The following TASOR2 variants were observed in gnomAD, a reference collection of about 807,000 sequenced individuals.
The protein encoded by TASOR2 is transcription activation suppressor family member 2, also known as protein TASOR 2.
A neutral mutation model predicts 199.5 loss-of-function variants in TASOR2; 84 were observed. The observed-to-expected ratio is 0.42, with a 90% confidence interval of 0.35 to 0.50. The LOEUF is 0.50. Ranked by LOEUF, TASOR2 falls within the 20% of genes least tolerant of loss-of-function variation. The pLI is 0.02. For synonymous variants in TASOR2, 1,103 were observed against 1,046.6 expected (o/e 1.05, Z -1.04); for missense variants, 2,796 against 2,835.9 (o/e 0.99, Z 0.32).
rs2131637108 is a variant in TASOR2 at position 5,751,610 on chromosome 10, A to G, written c.6606+1583A>G. On this transcript the variant is annotated intron_variant, in intron 15 of 20. Coordinates refer to ENST00000328090, the Ensembl canonical transcript of TASOR2. The surrounding 1 kb of genome is among the most constrained non-coding windows in gnomAD (Gnocchi z 5.3). ...CGGGCACTTCTTTACTTTGGGGTGT[A>G]ACATAATGTTCCAGGCTTATCGTGT... Among the ~76,000 whole-genome samples the G allele has an allele frequency of 6.6e-6, 1 of 152,310 alleles. No individual in the cohort carries two copies. The highest frequency in any genetic ancestry group is 1.9e-4 in the East Asian group (1 of 5,184).
chr10:5,706,500 A>G lies in TASOR2; in HGVS notation c.-287-6323A>G, dbSNP rs1361041683. Among the ~76,000 whole-genome samples the G allele has an allele frequency of 6.6e-6, 1 of 151,946 alleles. No individual in the cohort carries two copies. Among genetic ancestry groups the G allele is most frequent in the Non-Finnish European group, 1.5e-5 (1 of 67,968 alleles). Reference sequence around the variant, plus strand: ...CATAGTGCTCCAGAAAGGTCCTTCCAAAAAAAAGAAAAGAAGCTGCTCAAA... The same window carrying G: ...CATAGTGCTCCAGAAAGGTCCTTCCGAAAAAAAGAAAAGAAGCTGCTCAAA... On this transcript the variant is annotated intron_variant, in intron 1 of 20. Coordinates refer to ENST00000328090, the Ensembl canonical transcript of TASOR2. The surrounding 1 kb of genome is among the most constrained non-coding windows in gnomAD (Gnocchi z 4.8).
intron 1 of TASOR2, among the ~76,000 whole-genome samples, chr10:5,704,807 A>G (rs933058601): frequency 6.6e-6 from 1 of 152,196 alleles, no homozygotes; most frequent in Non-Finnish European, 1.5e-5. Context: ...TAACTTATGA[A>G]CCATTTATAT....
Position 5,762,526 on chromosome 10 carries a change from T to TTTTTAAAAAAA in TASOR2, c.7175-6_7175-5insTTTTAAAAAAA. ...ACCAAAAGTTGTTTTTTTTTTTTTT[T>TTTTTAAAAAAA]AACAGACAAGCCTACTATCCCCAGA... On this transcript the variant is annotated splice_region_variant and splice_polypyrimidine_tract_variant and intron_variant, in intron 19 of 20. Coordinates refer to ENST00000328090, the Ensembl canonical transcript of TASOR2. 3 of 699,658 alleles carry TTTTTAAAAAAA rather than the reference T, an allele frequency of 4.3e-6. No individual in the cohort carries two copies. 43.3% of individuals were successfully genotyped at this position (699,658 alleles called of 1,614,324 possible). A position where few individuals can be genotyped will look rare whatever the true frequency, so the allele number is the denominator to read the frequency against.
Position 5,724,420 on chromosome 10 carries a change from TTC to T in TASOR2, c.248-6_248-5del. The T allele has an allele frequency of 6.9e-7, 1 of 1,447,196 alleles. No individual in the cohort carries two copies. The highest frequency in any genetic ancestry group is 9.3e-7 in the Non-Finnish European group (1 of 1,070,274). 89.6% of individuals were successfully genotyped at this position (1,447,196 alleles called of 1,614,324 possible). A position where few individuals can be genotyped will look rare whatever the true frequency, so the allele number is the denominator to read the frequency against. On this transcript the variant is annotated splice_region_variant and splice_polypyrimidine_tract_variant and intron_variant, in intron 7 of 20. Coordinates refer to ENST00000328090, the Ensembl canonical transcript of TASOR2. ...AAAAATAAGAAATGTTTTTCTGGTT[TTC>T]TCTACAGTCTGTTTTCAAGATTTGT...
In TASOR2 at chr10:5,730,700, C is replaced by A; in HGVS notation, c.701C>A (p.Thr234Lys). ...CCTCAGGATAGAATGAAAGACCCTA[C>A]ATTCTTGGGGAAACTGCCCAGTGGT... The change falls in exon 11 of 21, where the codon ACA becomes AAA. Residue 234 changes from threonine (T) to lysine (K), a missense_variant. Thr to Lys is a moderately conservative substitution (Grantham distance 78). Around this residue, in one of 3 missense-constraint regions of TASOR2, gnomAD observed 847 missense variants for 887.4 expected, o/e 0.95. Coordinates refer to ENST00000328090, the Ensembl canonical transcript of TASOR2. The surrounding 1 kb of genome is among the most constrained non-coding windows in gnomAD (Gnocchi z 4.1). 6.2e-7 allele frequency: 1 copy of A among 1,614,218 alleles called. No homozygotes were observed. The highest frequency in any genetic ancestry group is 8.5e-7 in the Non-Finnish European group (1 of 1,180,022).
Position 5,738,783 on chromosome 10 carries a change from G to C in TASOR2, c.1448-835G>C, listed in dbSNP as rs1835970163. The stretch of plus-strand genomic sequence containing the variant: ...CAGGGAATCATTGCCTAGCAGAGTT[G>C]TGAAGTTTATCCTTCATAATAACAG... On this transcript the variant is annotated intron_variant, in intron 12 of 20. Transcript: ENST00000328090. The surrounding 1 kb of genome is among the most constrained non-coding windows in gnomAD (Gnocchi z 4.7). Among the ~76,000 whole-genome samples, 2 of 152,064 alleles carry C rather than the reference G, an allele frequency of 1.3e-5. No individual in the cohort carries two copies. The highest frequency in any genetic ancestry group is 4.8e-5 in the African/African-American group (2 of 41,392).
chr10:5,731,330 A>G (rs1218016647), intron 11 of TASOR2, 127 bp downstream of exon 12: 1 of 791,880 alleles, frequency 1.3e-6, no homozygotes. Flanking sequence ...GGAGTTTGAG[A>G]CCAGTCTGAC....
Position 5,749,000 on chromosome 10 carries a change from A to G in TASOR2, c.5579A>G (p.Asp1860Gly). Residue 1860 changes from aspartate (D) to glycine (G), a missense_variant, in exon 15 of 21, where the codon GAT (aspartate) becomes GGT (glycine). Physicochemically the swap from Asp to Gly is moderately conservative, Grantham distance 94. Coordinates refer to ENST00000328090, the Ensembl canonical transcript of TASOR2. The surrounding 1 kb of genome is among the most constrained non-coding windows in gnomAD (Gnocchi z 5.1). The stretch of plus-strand genomic sequence containing the variant: ...AGAGGTAGTTACACCAGGAAAAAAG[A>G]TGTTCCCACAGATGGCTATGAGTCG... 1.9e-6 allele frequency: 3 copies of G among 1,614,138 alleles called. No individual in the cohort carries two copies. The highest frequency in any genetic ancestry group is 2.5e-6 in the Non-Finnish European group (3 of 1,180,024).
Position 5,742,111 on chromosome 10 carries a change from A to G in TASOR2, c.2342A>G (p.Asp781Gly), listed in dbSNP as rs1435718696. The change falls in exon 14 of 21, where the codon GAT becomes GGT. Residue 781 changes from aspartate (D) to glycine (G), a missense_variant. By Grantham distance (94) the Asp-to-Gly change is moderately conservative (BLOSUM62 -1). Coordinates refer to ENST00000328090, the Ensembl canonical transcript of TASOR2. This position sits in a 1 kb window ranked among gnomAD's most constrained non-coding sequence, Gnocchi z 4.2. Reference sequence around the variant, plus strand: ...TAAACTCTTAGGCCCTGGAATACTGATTTGCCTGATAATGTGGAAGAAGTG... The same window carrying G: ...TAAACTCTTAGGCCCTGGAATACTGGTTTGCCTGATAATGTGGAAGAAGTG... 9 of 1,613,964 alleles carry G rather than the reference A, an allele frequency of 5.6e-6. No individual in the cohort carries two copies. The highest frequency in any genetic ancestry group is 6.8e-6 in the Non-Finnish European group (8 of 1,179,960).
chr10:5,731,582 T>G (rs1834820306), intron 11 of TASOR2, among the ~76,000 whole-genome samples: 1 of 152,254 alleles, frequency 6.6e-6, no homozygotes, highest in Non-Finnish European at 1.5e-5. Context: ...CCCTGTGGAC[T>G]GCAGCTTTGC....
chr10:5,744,893 T>G (rs1836959102), intron 14 of TASOR2, among the ~76,000 whole-genome samples: 1 of 152,182 alleles, frequency 6.6e-6, no homozygotes, highest in African/African-American at 2.4e-5. Flanking sequence ...CCTCCCAAAG[T>G]TCTGAGATTA....
intron 1 of TASOR2, among the ~76,000 whole-genome samples, chr10:5,705,750 T>G (rs1838506315): frequency 6.6e-6 from 1 of 152,140 alleles, no homozygotes; most frequent in Non-Finnish European, 1.5e-5. Context: ...ATGTTTCTTT[T>G]TATTATATGC....
At chr10:5,688,892 A>G (rs970284800) in intron 1 of TASOR2, among the ~76,000 whole-genome samples, 1 of 151,804 alleles carries the variant, frequency 6.6e-6, no homozygotes, top group Non-Finnish European at 1.5e-5. Context: ...GTTCCCAGCT[A>G]CTTGGGAGGC....
chr10:5,692,209 C>T (rs1836517353), intron 1 of TASOR2, among the ~76,000 whole-genome samples: 1 of 147,000 alleles, frequency 6.8e-6, no homozygotes, highest in African/African-American at 2.5e-5. Context: ...TGTATAAATA[C>T]ATTTTTTATT....
At chr10:5,736,248 G>A (rs1179689950) in intron 12 of TASOR2, among the ~76,000 whole-genome samples, 1 of 152,004 alleles carries the variant, frequency 6.6e-6, no homozygotes, top group Non-Finnish European at 1.5e-5. Context: ...GAGAAACCCT[G>A]TCTCTACTAA....
In TASOR2 at chr10:5,722,504, G is replaced by GT. The variant is rs1833500063; in HGVS notation, c.147-1172dup. Among the ~76,000 whole-genome samples, 1 of 151,812 alleles carries GT rather than the reference G, an allele frequency of 6.6e-6. No individual in the cohort carries two copies. The highest frequency in any genetic ancestry group is 2.4e-5 in the African/African-American group (1 of 41,322). Reference sequence around the variant, plus strand: ...CTGTTTAAAGGAATCACACAGAGAGGTATGTGACATAAAAGGGCATCAGGT... The same window carrying GT: ...CTGTTTAAAGGAATCACACAGAGAGGTTATGTGACATAAAAGGGCATCAGGT... On this transcript the variant is annotated intron_variant, in intron 6 of 20. Coordinates refer to ENST00000328090, the Ensembl canonical transcript of TASOR2. The surrounding 1 kb of genome is among the most constrained non-coding windows in gnomAD (Gnocchi z 4.0).
rs1441762172 is a variant in TASOR2, at chr10:5,742,858, A to C, written c.2757+332A>C. 6.6e-6 allele frequency among the ~76,000 whole-genome samples: 1 copy of C among 152,226 alleles called. No homozygotes were observed. Among genetic ancestry groups the C allele is most frequent in the African/African-American group, 2.4e-5 (1 of 41,456 alleles). ...ACTTAATACCTATCAAGTCTTATGT[A>C]GAATATTGTTTAAGGATCAAATATA... On this transcript the variant is annotated intron_variant, in intron 14 of 20. Coordinates refer to ENST00000328090, the Ensembl canonical transcript of TASOR2. This position sits in a 1 kb window ranked among gnomAD's most constrained non-coding sequence, Gnocchi z 4.2.
At chr10:5,705,076 C>A (rs1284572136) in intron 1 of TASOR2, among the ~76,000 whole-genome samples, 2 of 152,066 alleles carry the variant, frequency 1.3e-5, no homozygotes, top group African/African-American at 4.8e-5. Context: ...ATGTATATAC[C>A]ATGTGATGAC....
rs1217617542 is a variant in TASOR2 at position 5,754,463 on chromosome 10, C to G, written c.6607-2150C>G. Reference sequence around the variant, plus strand: ...GGAGTGCAGTGGCGCGATCTCAGCTCACTGCAGCCTCCGTCTTCTGGTTTC... The same window carrying G: ...GGAGTGCAGTGGCGCGATCTCAGCTGACTGCAGCCTCCGTCTTCTGGTTTC... On this transcript the variant is annotated intron_variant, in intron 15 of 20. Transcript: ENST00000328090. The surrounding 1 kb of genome is among the most constrained non-coding windows in gnomAD (Gnocchi z 4.3). Among the ~76,000 whole-genome samples, 1 of 151,906 alleles carries G rather than the reference C, an allele frequency of 6.6e-6. No individual in the cohort carries two copies. Among genetic ancestry groups the G allele is most frequent in the Non-Finnish European group, 1.5e-5 (1 of 68,008 alleles).
Sources: allele counts gnomAD v4.1 joint callset (sites outside exome capture counted in the v4.1 genomes callset), GRCh38; gene constraint gnomAD v4.1.1; regional missense constraint gnomAD v4.1.1; non-coding constraint Gnocchi (gnomAD v3.1); transcripts MANE v1.5; gene names NCBI Gene and HGNC (gene_info 2026-07-23, HGNC 2026-07-21).